Variants in USP13 observed in about 807,000 individuals in gnomAD.
USP13 encodes ubiquitin specific peptidase 13, also known as ubiquitin carboxyl-terminal hydrolase 13.
Under a neutral mutation model 107.8 loss-of-function variants are expected in USP13, and 68 were observed. The ratio of observed to expected loss-of-function variants is 0.63; its 90% CI spans 0.52 to 0.77. The LOEUF (loss-of-function observed/expected upper bound fraction) is 0.77, where lower values mean the gene tolerates loss of function less well. Ranked by LOEUF, USP13 falls within the 30% of genes least tolerant of loss-of-function variation. The pLI is 0.00. For missense variants in USP13, 945 were observed against 1,093.3 expected, an observed-to-expected ratio of 0.86 and a Z score of 1.91; for synonymous variants, 377 against 389.5, an observed-to-expected ratio of 0.97 and a Z score of 0.38.
At chr3:179,657,535 G>A (rs1006741095) in intron 1 of USP13, among the ~76,000 whole-genome samples, 7 of 152,062 alleles carry the variant, frequency 4.6e-5, no homozygotes, top group African/African-American at 1.7e-4. Flanking sequence ...GGCTGAGGTG[G>A]ACAGATCACA....
Position 179,708,832 on chromosome 3 carries a change from G to A in USP13, c.680G>A (p.Gly227Asp). 6.2e-7 allele frequency: 1 copy of A among 1,614,182 alleles called. No homozygotes were observed. The highest frequency in any genetic ancestry group is 8.5e-7 in the Non-Finnish European group (1 of 1,180,042). ...RENLWLNLTDGSVLCGKWFFD... is the reference protein window; with the variant it reads ...RENLWLNLTDDSVLCGKWFFD... ...AACCTCTGGTTGAATCTGACTGACG[G>A]CTCTGTCCTGTGTGGAAAGTGGTTC... is the stretch of plus-strand genomic sequence containing the variant. The change falls in exon 6 of 21, where the codon GGC (glycine) becomes GAC (aspartate). Residue 227 changes from glycine to aspartate, a missense_variant. Coordinates refer to ENST00000263966, the MANE Select transcript of USP13 (RefSeq NM_003940.3).
At chr3:179,710,589 A>G (rs956992956) in intron 6 of USP13, among the ~76,000 whole-genome samples, 1 of 152,190 alleles carries the variant, frequency 6.6e-6, no homozygotes, top group Admixed American at 6.5e-5. Flanking sequence ...CTTAGGCACA[A>G]ATACTTTTGT....
chr3:179,697,971 G>A (rs763141153), intron 3 of USP13, among the ~76,000 whole-genome samples: 19 of 152,122 alleles, frequency 1.2e-4, no homozygotes, highest in Non-Finnish European at 1.8e-4. Context: ...CATCTGAGTC[G>A]CCAATTAAAA....
At chr3:179,777,296 G>C (rs1056893465) in intron 19 of USP13, among the ~76,000 whole-genome samples, 1 of 152,016 alleles carries the variant, frequency 6.6e-6, no homozygotes, top group Non-Finnish European at 1.5e-5. Flanking sequence ...GGCTGTGTTG[G>C]TATCTGTGCT....
chr3:179,680,200 C>T lies in USP13; in HGVS notation c.169-1678C>T, dbSNP rs541687246. Among the ~76,000 whole-genome samples, 3 of 135,816 alleles carry T rather than the reference C, an allele frequency of 2.2e-5. No individual in the cohort carries two copies. In the South Asian group the frequency reaches 7.0e-4, roughly 31 times the overall value. 89.1% of individuals were successfully genotyped at this position (135,816 alleles called of 152,430 possible). A position where few individuals can be genotyped will look rare whatever the true frequency, so the allele number is the denominator to read the frequency against. On this transcript the variant is annotated intron_variant, in intron 1 of 20. Transcript: ENST00000263966. ...ACAACAACAACAACAACAACAACAACAAAAAGAAAGAGAGAGAGAGAGAAA... is the reference window on the plus strand; with the variant it reads ...ACAACAACAACAACAACAACAACAATAAAAAGAAAGAGAGAGAGAGAGAAA...
intron 13 of USP13, among the ~76,000 whole-genome samples, chr3:179,745,533 C>T (rs113064912): frequency 0.012 from 1,880 of 150,994 alleles, 22 homozygotes; most frequent in Middle Eastern, 0.061. Flanking sequence ...TTCCTTTCTT[C>T]CTTCCTTCCT....
intron 1 of USP13, among the ~76,000 whole-genome samples, chr3:179,673,824 C>T (rs1720814790): frequency 6.6e-6 from 1 of 152,126 alleles, no homozygotes; most frequent in African/African-American, 2.4e-5. Flanking sequence ...ACAAGTGCTA[C>T]CTAAAGTGTG....
intron 14 of USP13, among the ~76,000 whole-genome samples, chr3:179,753,182 G>T (rs1173018753): frequency 6.6e-6 from 1 of 152,144 alleles, no homozygotes; most frequent in African/African-American, 2.4e-5. Context: ...TCAATCTTAC[G>T]CTGGTTAACT....
intron 13 of USP13, among the ~76,000 whole-genome samples, chr3:179,749,802 C>G (rs942966724): frequency 9.9e-5 from 15 of 152,182 alleles, no homozygotes; most frequent in Admixed American, 3.3e-4. Flanking sequence ...AGCTAACACT[C>G]CGCCTAGATA....
rs146766168 is a variant in USP13, at chr3:179,692,191, G to A, written c.355+1890G>A. Among the ~76,000 whole-genome samples, 591 of 152,272 alleles carry A rather than the reference G, an allele frequency of 3.9e-3. 9 individuals are homozygous for A. Among genetic ancestry groups the A allele is most frequent in the African/African-American group, 0.013 (558 of 41,564 alleles). On this transcript the variant is annotated intron_variant, in intron 3 of 20. Transcript: ENST00000263966. ...AAACTGTTAATAGTAGCTCTTTCCC[G>A]GTAATAGAATGGAAGTGATTCTGAT...
At chr3:179,673,810 C>T (rs1439580408) in intron 1 of USP13, among the ~76,000 whole-genome samples, 1 of 152,182 alleles carries the variant, frequency 6.6e-6, no homozygotes, top group African/African-American at 2.4e-5. Flanking sequence ...TCACCTAGCC[C>T]TAGACAAGTG....
chr3:179,781,174 C>G (rs1169870771), intron 19 of USP13, among the ~76,000 whole-genome samples: 1 of 152,176 alleles, frequency 6.6e-6, no homozygotes, highest in South Asian at 2.1e-4. Context: ...AGTTTGGTCC[C>G]ACCTACGTTA....
chr3:179,672,334 G>A (rs964844530), intron 1 of USP13, among the ~76,000 whole-genome samples: 2 of 152,044 alleles, frequency 1.3e-5, no homozygotes, highest in Non-Finnish European at 2.9e-5. Context: ...ATTGAAGACA[G>A]GATTTTAACA....
chr3:179,674,559 G>C (rs1720838814), intron 1 of USP13, among the ~76,000 whole-genome samples: 1 of 151,872 alleles, frequency 6.6e-6, no homozygotes, highest in African/African-American at 2.4e-5. Context: ...CCTCTATTTG[G>C]GGCCATTGCT....
In USP13 at chr3:179,706,966, A is replaced by G. The variant is rs1712741094; in HGVS notation, c.510A>G (p.Ser170=). The G allele has an allele frequency of 1.2e-6, 2 of 1,613,966 alleles. No individual in the cohort carries two copies. Among genetic ancestry groups the G allele is most frequent in the East Asian group, 4.5e-5 (2 of 44,874 alleles). ...TTGCTTGTGATGCAGTTCTCAGCTCAAAATCTCCATACAGAAAGCAGGACC... is the reference window on the plus strand; with the variant it reads ...TTGCTTGTGATGCAGTTCTCAGCTCGAAATCTCCATACAGAAAGCAGGACC... ...VTIACDAVLS[S]KSPYRKQDPD... is the part of the protein sequence containing the mutation. Residue 170 remains serine (S), a synonymous_variant, in exon 5 of 21, where the codon TCA becomes TCG. Transcript: ENST00000263966.
At chr3:179,707,153 G>T in intron 5 of USP13, 77 bp downstream of exon 5, 1 of 1,476,632 alleles carries the variant, frequency 6.8e-7, no homozygotes, top group Non-Finnish European at 9.0e-7. Context: ...CTTCTTTTTT[G>T]AATAGGAAGT....
At chr3:179,749,706 A>G (rs542430149) in intron 13 of USP13, among the ~76,000 whole-genome samples, 1 of 152,186 alleles carries the variant, frequency 6.6e-6, no homozygotes, top group Non-Finnish European at 1.5e-5. Context: ...GTACTTTTAG[A>G]TTGGCGGCTA....
At chr3:179,743,456 T>G (rs2268926) in intron 12 of USP13, among the ~76,000 whole-genome samples, 51,112 of 150,800 alleles carry the variant, frequency 0.34, 10,635 homozygotes, top group Non-Finnish European at 0.45. Context: ...TTCTTGTGTG[T>G]GGGGGGTGGT....
chr3:179,720,610 A>G (rs1211328927), intron 7 of USP13, among the ~76,000 whole-genome samples: 1 of 151,496 alleles, frequency 6.6e-6, no homozygotes, highest in Non-Finnish European at 1.5e-5. Context: ...TCATGTTCCT[A>G]TTCTCTTTGT....
Sources: allele counts gnomAD v4.1 joint callset (sites outside exome capture counted in the v4.1 genomes callset), GRCh38; gene constraint gnomAD v4.1.1; transcripts MANE v1.5; gene names NCBI Gene and HGNC (gene_info 2026-07-23, HGNC 2026-07-21).